SCHIP1: variants seen among roughly 807,000 people sequenced by gnomAD.
The protein encoded by SCHIP1 is schwannomin-interacting protein 1.
Under a neutral mutation model 29.7 loss-of-function variants are expected in SCHIP1, and 8 were observed. The ratio of observed to expected loss-of-function variants is 0.27; its 90% CI spans 0.16 to 0.49. The LOEUF is 0.49. SCHIP1 is among the 20% of genes least tolerant of loss of function. The pLI, the probability that SCHIP1 is intolerant of heterozygous loss-of-function variation, is 0.99. For synonymous variants in SCHIP1, 76 were observed against 94.9 expected, an observed-to-expected ratio of 0.80 and a Z score of 1.16; for missense variants, 193 against 294.6, an observed-to-expected ratio of 0.66 and a Z score of 2.52.
chr3:159,662,522 T>C, the SCHIP1 span, among the ~76,000 whole-genome samples: 1 of 152,196 alleles, frequency 6.6e-6, no homozygotes, highest in Non-Finnish European at 1.5e-5. Flanking sequence ...AAGAATCAAC[T>C]ACAAATCAAC....
the SCHIP1 span, among the ~76,000 whole-genome samples, chr3:159,515,931 A>T: frequency 6.6e-6 from 1 of 151,518 alleles, no homozygotes; most frequent in Non-Finnish European, 1.5e-5. Context: ...AAAAATACAT[A>T]GTATTTGTAG....
chr3:159,772,527 C>G, the SCHIP1 span, among the ~76,000 whole-genome samples: 2 of 152,206 alleles, frequency 1.3e-5, no homozygotes, highest in African/African-American at 4.8e-5. Flanking sequence ...CCTCCCTCCC[C>G]CTTAAACACA....
intron 1 of SCHIP1, chr3:159,853,313 T>A: frequency 1.6e-6 from 1 of 644,842 alleles, no homozygotes; most frequent in Non-Finnish European, 2.8e-6. Context: ...AACTGGGCAA[T>A]TGGCACATCA....
chr3:159,560,491 CTTTG>C, the SCHIP1 span, among the ~76,000 whole-genome samples: 5 of 152,120 alleles, frequency 3.3e-5, no homozygotes, highest in Non-Finnish European at 4.4e-5. Flanking sequence ...TTGCAGTGGT[CTTTG>C]TTTGGGTTTT....
chr3:159,662,309 C>A, the SCHIP1 span, among the ~76,000 whole-genome samples: 1 of 152,350 alleles, frequency 6.6e-6, no homozygotes, highest in East Asian at 1.9e-4. Context: ...CTTGCTATTG[C>A]TCCATCTGCA....
the SCHIP1 span, among the ~76,000 whole-genome samples, chr3:159,704,908 ATTTCTTTC>A: frequency 0.017 from 730 of 42,624 alleles, 6 homozygotes; most frequent in Admixed American, 0.044. Context: ...TTCTTTCTTT[ATTTCTTTC>A]TTTCTTTCTT....
chr3:159,687,433 T>G, the SCHIP1 span, among the ~76,000 whole-genome samples: 1 of 152,204 alleles, frequency 6.6e-6, no homozygotes, highest in Non-Finnish European at 1.5e-5. Context: ...TTATGTTTAT[T>G]GTATAAACTC....
chr3:159,680,607 T>TTTATATATTATATA, the SCHIP1 span, among the ~76,000 whole-genome samples: 1 of 84,650 alleles, frequency 1.2e-5, no homozygotes, highest in Non-Finnish European at 1.9e-5. Context: ...TAATATATAT[T>TTTATATATTATATA]ATATATGTAT....
At chr3:159,828,388 C>CGT in the SCHIP1 span, among the ~76,000 whole-genome samples, 131 of 65,356 alleles carry the variant, frequency 2.0e-3, 4 homozygotes, top group East Asian at 4.5e-3. Context: ...TATATATATA[C>CGT]ATATATACGT....
chr3:159,821,681 T>C, the SCHIP1 span, among the ~76,000 whole-genome samples: 9,372 of 152,274 alleles, frequency 0.062, 925 homozygotes, highest in African/African-American at 0.21. Context: ...AAAGATTTGG[T>C]TTTATTGTAG....
the SCHIP1 span, among the ~76,000 whole-genome samples, chr3:159,523,083 A>C: frequency 6.6e-6 from 1 of 152,044 alleles, no homozygotes; most frequent in Non-Finnish European, 1.5e-5. Flanking sequence ...AACCACCTTC[A>C]CCCCTTCTGT....
chr3:159,406,559 G>A, the SCHIP1 span, among the ~76,000 whole-genome samples: 3 of 152,226 alleles, frequency 2.0e-5, no homozygotes, highest in South Asian at 2.1e-4. Context: ...AAAATGCACC[G>A]GCAATAGTAA....
the SCHIP1 span, among the ~76,000 whole-genome samples, chr3:159,368,640 C>T: frequency 6.6e-6 from 1 of 152,166 alleles, no homozygotes; most frequent in African/African-American, 2.4e-5. Context: ...TTGCCCCTAA[C>T]AGTAACATTA....
At chr3:159,537,104 G>GA in the SCHIP1 span, among the ~76,000 whole-genome samples, 1 of 152,010 alleles carries the variant, frequency 6.6e-6, no homozygotes, top group Middle Eastern at 3.2e-3. Context: ...GTACAAGCCA[G>GA]AAAAAAAGAA....
At chr3:159,840,344 G>A (rs755642033) in intron 1 of SCHIP1, 38 of 760,542 alleles carry the variant, frequency 5.0e-5, no homozygotes, top group Admixed American at 1.7e-4. Context: ...CCTTCATCAC[G>A]TGCAGTATCT....
chr3:159,817,691 GTT>G, the SCHIP1 span, among the ~76,000 whole-genome samples: 3 of 152,134 alleles, frequency 2.0e-5, no homozygotes. Flanking sequence ...TAGAGTTTTT[GTT>G]TTGTTTTGTT....
the SCHIP1 span, among the ~76,000 whole-genome samples, chr3:159,745,407 G>A: frequency 3.3e-5 from 5 of 152,138 alleles, no homozygotes; most frequent in Admixed American, 1.3e-4. Context: ...TTCTTTAAGC[G>A]GGAGAGATGG....
chr3:159,571,630 G>A, the SCHIP1 span, among the ~76,000 whole-genome samples: 1 of 152,186 alleles, frequency 6.6e-6, no homozygotes, highest in East Asian at 1.9e-4. Flanking sequence ...TCAGGATGAT[G>A]TTGGCCTCAT....
At chr3:159,557,021 G>C in the SCHIP1 span, among the ~76,000 whole-genome samples, 1 of 150,950 alleles carries the variant, frequency 6.6e-6, no homozygotes, top group East Asian at 1.9e-4. Flanking sequence ...GCAGTGGCAC[G>C]ATCTCGGCTC....
Sources: allele counts gnomAD v4.1 joint callset (sites outside exome capture counted in the v4.1 genomes callset), GRCh38; gene constraint gnomAD v4.1.1; transcripts MANE v1.5; gene names NCBI Gene and HGNC (gene_info 2026-07-23, HGNC 2026-07-21).